GARS1: variants seen among roughly 807,000 people sequenced by gnomAD.
GARS1 encodes the protein glycine--tRNA ligase.
Under a neutral mutation model 86.4 loss-of-function variants are expected in GARS1, and 46 were observed. The observed-to-expected ratio is 0.53, with a 90% CI of 0.42 to 0.68. GARS1 has a LOEUF of 0.68. Ranked by LOEUF, GARS1 falls within the 30% of genes least tolerant of loss-of-function variation. GARS1 has a pLI of 0.00. For synonymous variants in GARS1, 342 were observed against 329.8 expected (o/e 1.04, Z -0.40); for missense variants, 797 against 915.6 (o/e 0.87, Z 1.67).
intron 10 of GARS1, among the ~76,000 whole-genome samples, chr7:30,619,894 C>T (rs1036883350): frequency 7.3e-5 from 11 of 150,820 alleles, no homozygotes; most frequent in Non-Finnish European, 1.5e-4. Context: ...TCTCCTGCCT[C>T]GGCCTCCCAA....
At chr7:30,604,413 C>T (rs1791442395) in intron 6 of GARS1, among the ~76,000 whole-genome samples, 1 of 152,090 alleles carries the variant, frequency 6.6e-6, no homozygotes. Flanking sequence ...GTGATTATAC[C>T]TATTTTCTTT....
In GARS1 at chr7:30,632,149, C is replaced by T; in HGVS notation, c.1904-98C>T. The T allele has an allele frequency of 8.9e-7, 1 of 1,129,824 alleles. No homozygotes were observed. The highest frequency in any genetic ancestry group is 1.3e-5 in the South Asian group (1 of 75,536). 70.0% of individuals were successfully genotyped at this position (1,129,824 alleles called of 1,614,324 possible). A position where few individuals can be genotyped will look rare whatever the true frequency, so the allele number is the denominator to read the frequency against. On this transcript the variant is annotated intron_variant, in intron 15 of 16. Coordinates refer to ENST00000389266, the MANE Select transcript of GARS1 (RefSeq NM_002047.4). The surrounding 1 kb of genome is among the most constrained non-coding windows in gnomAD (Gnocchi z 4.1). The stretch of plus-strand genomic sequence containing the variant: ...AACTTGTTGCTTTCTTGTCTTGGTC[C>T]CATTTATAAGTCTCCTGAGCTTGTA...
chr7:30,600,949 T>G, intron 3 of GARS1, 110 bp from the exon 4 acceptor site: 1 of 1,002,172 alleles, frequency 1.0e-6, no homozygotes. Flanking sequence ...TTTGCATTGT[T>G]GACTTGAATA....
intron 6 of GARS1, among the ~76,000 whole-genome samples, chr7:30,605,550 C>T (rs1310560452): frequency 6.6e-6 from 1 of 152,172 alleles, no homozygotes; most frequent in Non-Finnish European, 1.5e-5. Flanking sequence ...CAGAGCCCCA[C>T]TCTGTAGCCC....
At chr7:30,599,796 T>C (rs1791335950) in intron 2 of GARS1, 151 bp from the exon 3 acceptor site, 1 of 587,772 alleles carries the variant, frequency 1.7e-6, no homozygotes, top group African/African-American at 1.9e-5. Flanking sequence ...AAAAAAGACC[T>C]ATGGCTTCTA....
At chr7:30,596,800 T>C (rs17159267) in intron 1 of GARS1, among the ~76,000 whole-genome samples, 5,525 of 152,326 alleles carry the variant, frequency 0.036, 128 homozygotes, top group Middle Eastern at 0.082. Context: ...CTATGTCAGC[T>C]GAAAAATAAT....
intron 2 of GARS1, 33 bp downstream of exon 2, chr7:30,598,930 G>A (rs763563426): frequency 1.1e-5 from 17 of 1,491,980 alleles, no homozygotes; most frequent in Non-Finnish European, 1.6e-5. Context: ...AGGAACATAA[G>A]TAGGTATAGG....
chr7:30,632,200 T>G lies in GARS1; in HGVS notation c.1904-47T>G. 1.3e-6 allele frequency: 2 copies of G among 1,585,382 alleles called. No individual in the cohort carries two copies. The highest frequency in any genetic ancestry group is 1.7e-6 in the Non-Finnish European group (2 of 1,157,916). On this transcript the variant is annotated intron_variant, in intron 15 of 16. Transcript: ENST00000389266. This position sits in a 1 kb window ranked among gnomAD's most constrained non-coding sequence, Gnocchi z 4.1. ...AGACAGTAGTTAGATAACACTGGGC[T>G]TAACTCCATTGTTTTATTTTTAATT...
chr7:30,615,904 C>T lies in GARS1; in HGVS notation c.1040C>T (p.Thr347Ile). The change falls in exon 9 of 17, where the codon ACA becomes ATA. Residue 347 changes from threonine to isoleucine, a missense_variant. Around this residue, in one of 2 missense-constraint regions of GARS1, gnomAD observed 598 missense variants for 738.7 expected, o/e 0.81. Coordinates refer to ENST00000389266, the MANE Select transcript of GARS1 (RefSeq NM_002047.4). ...TACGTTTTTGCTTTCAGAGAATTCA[C>T]AATGGCAGAAATTGAGCACTTTGTA... The part of the protein sequence containing the change: ...RSGLIRVREF[T>I]MAEIEHFVDP... 6.2e-7 allele frequency: 1 copy of T among 1,614,174 alleles called. No homozygotes were observed. Among genetic ancestry groups the T allele is most frequent in the Non-Finnish European group, 8.5e-7 (1 of 1,180,014 alleles).
upstream of GARS1, chr7:30,594,858 C>T (rs932663016): frequency 7.2e-6 from 10 of 1,387,058 alleles, no homozygotes; most frequent in Non-Finnish European, 9.8e-6. Flanking sequence ...CATCATGCTC[C>T]GAGCCGGGCG....
At position 30,631,547 on chromosome 7, in the gene GARS1, C is replaced by T. The variant is rs1256383350; in HGVS notation, c.1903+6C>T. ...GCCATTTGTCAAGGAATTATGTAAG[C>T]AAATTCAATTGGGTAAACTCCATGG... On this transcript the variant is annotated splice_donor_region_variant and intron_variant, in intron 15 of 16. Transcript: ENST00000389266. 6.3e-7 allele frequency: 1 copy of T among 1,593,396 alleles called. No homozygotes were observed. The highest frequency in any genetic ancestry group is 8.6e-7 in the Non-Finnish European group (1 of 1,161,424).
rs985356397 is a variant in GARS1, at chr7:30,612,653, C to G, written c.1031+408C>G. On this transcript the variant is annotated intron_variant, in intron 8 of 16. Transcript: ENST00000389266. ...GTGGCAGGAGGATTGTTCTAGATAT[C>G]TAGGGCAGACAACATTGCTGAAGTT... Among the ~76,000 whole-genome samples the G allele has an allele frequency of 1.6e-4, 24 of 152,130 alleles. No homozygotes were observed. In the East Asian group the frequency reaches 3.5e-3, roughly 22 times the overall value.
rs762072215 is a variant in GARS1, at chr7:30,628,642, T to C, written c.1782T>C (p.His594=). 13 of 1,611,812 alleles carry C rather than the reference T, an allele frequency of 8.1e-6. No homozygotes were observed. Among genetic ancestry groups the C allele is most frequent in the Admixed American group, 3.3e-5 (2 of 59,978 alleles). Residue 594 remains histidine (H), a synonymous_variant, in exon 14 of 17, where the codon CAT becomes CAC. Transcript: ENST00000389266. ...IMYTVFEHTF[H]VREGDEQRTF... Reference sequence around the variant, plus strand: ...ATACGGTATTTGAACATACATTCCATGTACGAGAAGGAGATGAACAGAGAA... The same window carrying C: ...ATACGGTATTTGAACATACATTCCACGTACGAGAAGGAGATGAACAGAGAA...
rs1408562561 is a variant in GARS1 at position 30,619,134 on chromosome 7, G to A, written c.1359+1856G>A. 3.3e-5 allele frequency among the ~76,000 whole-genome samples: 5 copies of A among 152,318 alleles called. No individual in the cohort carries two copies. In the East Asian group the frequency reaches 9.7e-4, roughly 29 times the overall value. Reference sequence around the variant, plus strand: ...TGCTTAAGTCTCACAGCCAGTGAGTGGTGAGGCTGGGATATAAACCTGGCT... The same window carrying A: ...TGCTTAAGTCTCACAGCCAGTGAGTAGTGAGGCTGGGATATAAACCTGGCT... On this transcript the variant is annotated intron_variant, in intron 10 of 16. Coordinates refer to ENST00000389266, the MANE Select transcript of GARS1 (RefSeq NM_002047.4).
At position 30,603,575 on chromosome 7, in the gene GARS1, G is replaced by A. The variant is rs766963338; in HGVS notation, c.735+3G>A. On this transcript the variant is annotated splice_donor_region_variant and intron_variant, in intron 6 of 16. Coordinates refer to ENST00000389266, the MANE Select transcript of GARS1 (RefSeq NM_002047.4). ...AAATGGAAAGTGTTTTGGCCCAGGT[G>A]AGTACTCTAGAGATGTTATCAGAGT... 4 of 1,606,402 alleles carry A rather than the reference G, an allele frequency of 2.5e-6. No individual in the cohort carries two copies. Among genetic ancestry groups the A allele is most frequent in the South Asian group, 2.2e-5 (2 of 90,876 alleles).
intron 13 of GARS1, among the ~76,000 whole-genome samples, chr7:30,627,894 A>G (rs1401612247): frequency 6.6e-6 from 1 of 152,154 alleles, no homozygotes; most frequent in Non-Finnish European, 1.5e-5. Context: ...AAAGCCTTAG[A>G]TTTTTTATGC....
rs200887429 is a variant in GARS1, at chr7:30,598,875, G to A, written c.302G>A (p.Arg101His). ...VDKAVAELKA[R>H]KRVLEAKELA... ...AAAGCAGTGGCTGAGCTCAAAGCCC[G>A]CAAGAGGGTTCTGGAAGCAAAGGTG... The change falls in exon 2 of 17, where the codon CGC (arginine) becomes CAC (histidine). Residue 101 changes from arginine (R) to histidine (H), a missense_variant. Arg to His is a conservative substitution (Grantham distance 29). Transcript: ENST00000389266. 2.7e-4 allele frequency: 437 copies of A among 1,613,978 alleles called. No individual in the cohort carries two copies. Among genetic ancestry groups the A allele is most frequent in the Admixed American group, 3.8e-4 (23 of 60,024 alleles).
chr7:30,616,779 T>C (rs1483496277), intron 9 of GARS1, among the ~76,000 whole-genome samples: 2 of 152,242 alleles, frequency 1.3e-5, no homozygotes, highest in African/African-American at 4.8e-5. Flanking sequence ...GAGGGGAATG[T>C]CTTTGCCATT....
At chr7:30,595,985 C>T (rs1791239028) in intron 1 of GARS1, 1 of 443,486 alleles carries the variant, frequency 2.3e-6, no homozygotes. Context: ...TATAGACCTC[C>T]TTTTCCTAGG....
Sources: allele counts gnomAD v4.1 joint callset (sites outside exome capture counted in the v4.1 genomes callset), GRCh38; gene constraint gnomAD v4.1.1; regional missense constraint gnomAD v4.1.1; non-coding constraint Gnocchi (gnomAD v3.1); transcripts MANE v1.5; gene names NCBI Gene and HGNC (gene_info 2026-07-23, HGNC 2026-07-21).